The following RPTOR variants were observed in gnomAD, a reference collection of about 807,000 sequenced individuals.
RPTOR encodes the protein regulatory-associated protein of mTOR.
RPTOR carries 21 observed loss-of-function variants against 169.9 expected under a neutral mutation model. The observed-to-expected ratio is 0.12, with a 90% CI of 0.09 to 0.18. The LOEUF is 0.18. RPTOR is among the 10% of genes least tolerant of loss of function. The pLI is 1.00. For missense variants in RPTOR, 1,133 were observed against 1,855.9 expected (o/e 0.61, Z 7.16); for synonymous variants, 732 against 753.2 (o/e 0.97, Z 0.46).
At chr17:80,869,959 C>T (rs950523168) in intron 13 of RPTOR, among the ~76,000 whole-genome samples, 3 of 152,184 alleles carry the variant, frequency 2.0e-5, no homozygotes, top group African/African-American at 7.2e-5. Flanking sequence ...TTCCGCTGGT[C>T]ACACTTTGCA....
chr17:80,606,912 T>G (rs2065233467), intron 1 of RPTOR, among the ~76,000 whole-genome samples: 2 of 152,216 alleles, frequency 1.3e-5, no homozygotes, highest in Admixed American at 1.3e-4. Flanking sequence ...GGCCATTCCC[T>G]GGTTGAAATT....
In RPTOR at chr17:80,745,614, G is replaced by A. The variant is rs75735289; in HGVS notation, c.655-8396G>A. 7.7e-3 allele frequency among the ~76,000 whole-genome samples: 1,166 copies of A among 152,330 alleles called. 16 individuals are homozygous for A. The highest frequency in any genetic ancestry group is 0.026 in the African/African-American group (1,073 of 41,564). ...TTTGACTATTAATAGAGTTGGATAA[G>A]TAATACACTGACTCCTTTAGCAGCC... On this transcript the variant is annotated intron_variant, in intron 5 of 33. Transcript: ENST00000306801.
At chr17:80,921,463 C>T (rs896799282) in intron 21 of RPTOR, among the ~76,000 whole-genome samples, 1 of 152,246 alleles carries the variant, frequency 6.6e-6, no homozygotes, top group Non-Finnish European at 1.5e-5. Flanking sequence ...CCCCGAAGCA[C>T]CTGGGCCCTC....
rs1280573950 is a variant in RPTOR, at chr17:80,803,997, A to G, written c.890+12488A>G. On this transcript the variant is annotated intron_variant, in intron 7 of 33. Transcript: ENST00000306801. The surrounding 1 kb of genome is among the most constrained non-coding windows in gnomAD (Gnocchi z 6.2). ...GTGTGGCAAGGGCCTTCTTTGAAAG[A>G]GGCATATGTAGCTTCAGTATTTATA... 6.6e-6 allele frequency among the ~76,000 whole-genome samples: 1 copy of G among 152,202 alleles called. No individual in the cohort carries two copies. The highest frequency in any genetic ancestry group is 2.4e-5 in the African/African-American group (1 of 41,450).
intron 6 of RPTOR, among the ~76,000 whole-genome samples, chr17:80,761,150 C>T (rs999936502): frequency 2.6e-5 from 4 of 152,102 alleles, no homozygotes; most frequent in Non-Finnish European, 5.9e-5. Context: ...TGGCTGTTTT[C>T]TACTTCTTTG....
intron 1 of RPTOR, among the ~76,000 whole-genome samples, chr17:80,605,239 G>A (rs1425349155): frequency 6.6e-6 from 1 of 152,202 alleles, no homozygotes; most frequent in Non-Finnish European, 1.5e-5. Flanking sequence ...AGGCTGTTTC[G>A]TTGAACTCAG....
chr17:80,638,132 G>A (rs539152905), intron 2 of RPTOR, among the ~76,000 whole-genome samples: 2 of 152,370 alleles, frequency 1.3e-5, no homozygotes, highest in African/African-American at 4.8e-5. Flanking sequence ...AAGCTTGAAC[G>A]GCCTGGAAGG....
At chr17:80,825,980 T>G (rs552981982) in intron 9 of RPTOR, among the ~76,000 whole-genome samples, 1 of 151,928 alleles carries the variant, frequency 6.6e-6, no homozygotes, top group South Asian at 2.1e-4. Flanking sequence ...GGGTCAGCGG[T>G]GGAGGGGTGG....
At chr17:80,917,258 A>G (rs9898047) in intron 21 of RPTOR, among the ~76,000 whole-genome samples, 134,589 of 151,546 alleles carry the variant, frequency 0.89, 59,958 homozygotes, top group African/African-American at 0.95. Context: ...GATTACAGGC[A>G]CGCGCTACCA....
intron 9 of RPTOR, among the ~76,000 whole-genome samples, chr17:80,835,063 C>T (rs952865738): frequency 6.6e-6 from 1 of 152,190 alleles, no homozygotes; most frequent in Non-Finnish European, 1.5e-5. Context: ...TGGGGATTTA[C>T]TGGGCATATG....
At chr17:80,713,880 C>A (rs2066217606) in intron 4 of RPTOR, among the ~76,000 whole-genome samples, 1 of 152,140 alleles carries the variant, frequency 6.6e-6, no homozygotes, top group Non-Finnish European at 1.5e-5. Context: ...GTTAGAAGAT[C>A]TTCTTTTAGT....
At chr17:80,548,604 C>T (rs2084307852) in intron 1 of RPTOR, among the ~76,000 whole-genome samples, 1 of 151,840 alleles carries the variant, frequency 6.6e-6, no homozygotes, top group African/African-American at 2.4e-5. Context: ...AACTCCTGAC[C>T]TCGGGTCGTT....
At chr17:80,740,716 A>G (rs916687486) in intron 5 of RPTOR, among the ~76,000 whole-genome samples, 2 of 152,194 alleles carry the variant, frequency 1.3e-5, no homozygotes, top group African/African-American at 4.8e-5. Flanking sequence ...TGCGAGAGAA[A>G]ACAAACAAAA....
intron 7 of RPTOR, among the ~76,000 whole-genome samples, chr17:80,812,452 G>T (rs990617884): frequency 6.6e-6 from 1 of 151,882 alleles, no homozygotes; most frequent in Non-Finnish European, 1.5e-5. Context: ...CCTCCTACGC[G>T]CCTTTTAGAG....
Position 80,741,154 on chromosome 17 carries a change from C to T in RPTOR, c.654+10448C>T, listed in dbSNP as rs542644166. ...TCTCAAGATGTGAAACTGAGGGTCT[C>T]CCCGTGACCCAGCAGGAGAGTGGCA... On this transcript the variant is annotated intron_variant, in intron 5 of 33. Transcript: ENST00000306801. Among the ~76,000 whole-genome samples the T allele has an allele frequency of 3.3e-5, 5 of 152,318 alleles. No individual in the cohort carries two copies. The South Asian group carries it at 1.0e-3, about 32-fold the overall frequency.
intron 6 of RPTOR, among the ~76,000 whole-genome samples, chr17:80,790,045 C>T (rs1043864487): frequency 6.6e-6 from 1 of 152,184 alleles, no homozygotes; most frequent in African/African-American, 2.4e-5. Flanking sequence ...TCTGGTTTGC[C>T]TGGGACCACC....
intron 7 of RPTOR, among the ~76,000 whole-genome samples, chr17:80,806,927 G>A (rs1179601487): frequency 6.6e-6 from 1 of 151,644 alleles, no homozygotes; most frequent in African/African-American, 2.4e-5. Context: ...TTTCCCTTTT[G>A]ACCACATGCA....
At chr17:80,764,976 G>A (rs946849724) in intron 6 of RPTOR, among the ~76,000 whole-genome samples, 3 of 152,162 alleles carry the variant, frequency 2.0e-5, no homozygotes, top group African/African-American at 7.2e-5. Flanking sequence ...TGTTTGTGGG[G>A]TGTATGTAGC....
At chr17:80,781,484 T>C (rs2066941724) in intron 6 of RPTOR, among the ~76,000 whole-genome samples, 1 of 152,180 alleles carries the variant, frequency 6.6e-6, no homozygotes, top group African/African-American at 2.4e-5. Context: ...AAATTTTTAA[T>C]AGGAAGAATT....
Sources: gnomAD v4.1 joint callset for allele counts (sites outside exome capture counted in the v4.1 genomes callset) on GRCh38, gnomAD v4.1.1 for gene constraint, Gnocchi (gnomAD v3.1) non-coding constraint, MANE v1.5 for transcripts, NCBI Gene and HGNC (gene_info 2026-07-23, HGNC 2026-07-21) for gene names.